GLIS1: variants seen among roughly 807,000 people sequenced by gnomAD.
GLIS1 encodes GLIS family zinc finger 1.
A neutral mutation model predicts 63.8 loss-of-function variants in GLIS1; 24 were observed. That is an observed-to-expected ratio of 0.38 (90% confidence interval 0.27 to 0.53). The LOEUF is 0.53. Ranked by LOEUF, GLIS1 falls within the 20% of genes least tolerant of loss-of-function variation. The pLI is 0.85. For synonymous variants in GLIS1, 450 were observed against 482.5 expected (o/e 0.93, Z 0.88); for missense variants, 1,036 against 1,074.1 (o/e 0.96, Z 0.50).
At chr1:53,607,693 G>A (rs1645384705) in intron 2 of GLIS1, among the ~76,000 whole-genome samples, 1 of 152,154 alleles carries the variant, frequency 6.6e-6, no homozygotes, top group Non-Finnish European at 1.5e-5. Flanking sequence ...AGCGATTTAG[G>A]GCAGCTGCAG....
intron 5 of GLIS1, 49 bp downstream of exon 5, chr1:53,529,742 T>C (rs768746294): frequency 6.5e-7 from 1 of 1,539,378 alleles, no homozygotes; most frequent in East Asian, 2.3e-5. Flanking sequence ...GAGTGGCAGG[T>C]GTGTGGCCAT....
At chr1:53,527,395 C>T (rs1261158796) in intron 5 of GLIS1, among the ~76,000 whole-genome samples, 1 of 152,238 alleles carries the variant, frequency 6.6e-6, no homozygotes, top group Non-Finnish European at 1.5e-5. Context: ...AGAGGACAGG[C>T]AGGGGAAGGC....
Position 53,600,257 on chromosome 1 carries a change from C to T in GLIS1, c.281G>A (p.Arg94His), listed in dbSNP as rs556516269. Residue 94 changes from arginine (R) to histidine (H), a missense_variant, in exon 3 of 11, where the codon CGT (arginine) becomes CAT (histidine). Physicochemically the swap from Arg to His is conservative, Grantham distance 29 (BLOSUM62 0). This residue lies in a region of GLIS1 where 592 missense variants were observed against 593.9 expected (regional missense o/e 1.00). Coordinates refer to ENST00000628545, the MANE Select transcript of GLIS1 (RefSeq NM_001367484.1). ...CAGGCTCTTCTCTGAGCCCGGGGTACGGTGTCCGTAGCTCCCATTCACTAG... is the reference window on the plus strand; with the variant it reads ...CAGGCTCTTCTCTGAGCCCGGGGTATGGTGTCCGTAGCTCCCATTCACTAG... ...AGKVNGSYGH[R>H]TPGSEKSLLD... The T allele has an allele frequency of 2.8e-5, 35 of 1,231,988 alleles. No homozygotes were observed. In the South Asian group the frequency reaches 2.9e-4, roughly 10 times the overall value. 76.3% of individuals were successfully genotyped at this position (1,231,988 alleles called of 1,614,324 possible).
At chr1:53,634,204 G>A (rs1356588651) in intron 2 of GLIS1, among the ~76,000 whole-genome samples, 1 of 152,160 alleles carries the variant, frequency 6.6e-6, no homozygotes. Context: ...ACACACAAAT[G>A]GAAATGCTGA....
chr1:53,650,490 TA>T (rs971468970), intron 2 of GLIS1, among the ~76,000 whole-genome samples: 2 of 148,932 alleles, frequency 1.3e-5, no homozygotes, highest in African/African-American at 5.0e-5. Flanking sequence ...CATGGGAAGC[TA>T]AGGCAGGAGA....
At chr1:53,507,770 G>A (rs1644250976) in intron 10 of GLIS1, among the ~76,000 whole-genome samples, 1 of 152,174 alleles carries the variant, frequency 6.6e-6, no homozygotes, top group African/African-American at 2.4e-5. Flanking sequence ...GTAGGGCCGG[G>A]GTGGGGTGTG....
chr1:53,664,936 C>T lies in GLIS1; in HGVS notation c.260-64658G>A, dbSNP rs1221093318. Among the ~76,000 whole-genome samples the T allele has an allele frequency of 2.0e-5, 3 of 152,012 alleles. No homozygotes were observed. In the South Asian group the frequency reaches 6.2e-4, roughly 32 times the overall value. On this transcript the variant is annotated intron_variant, in intron 2 of 10. Coordinates refer to ENST00000628545, the MANE Select transcript of GLIS1 (RefSeq NM_001367484.1). Reference sequence around the variant, plus strand: ...TGGTGTGTGAGGGTGAGCAAGGAGGCCTCTGTGGCAGGAGGAGGGGGAGGG... The same window carrying T: ...TGGTGTGTGAGGGTGAGCAAGGAGGTCTCTGTGGCAGGAGGAGGGGGAGGG...
At chr1:53,541,465 G>T (rs1240190020) in intron 4 of GLIS1, among the ~76,000 whole-genome samples, 1 of 152,274 alleles carries the variant, frequency 6.6e-6, no homozygotes, top group Non-Finnish European at 1.5e-5. Flanking sequence ...GGCCATATGT[G>T]CATGAGGCCT....
chr1:53,535,202 A>G (rs1020936667), intron 4 of GLIS1, among the ~76,000 whole-genome samples: 1 of 151,844 alleles, frequency 6.6e-6, no homozygotes, highest in Non-Finnish European at 1.5e-5. Context: ...AAATTTGGGG[A>G]TTTTTGATTC....
At chr1:53,578,872 C>T (rs1645057655) in intron 4 of GLIS1, among the ~76,000 whole-genome samples, 1 of 152,048 alleles carries the variant, frequency 6.6e-6, no homozygotes, top group African/African-American at 2.4e-5. Flanking sequence ...TCCACCTACC[C>T]CTTTTCACAG....
At chr1:53,629,151 A>G (rs1569947086) in intron 2 of GLIS1, among the ~76,000 whole-genome samples, 1 of 151,714 alleles carries the variant, frequency 6.6e-6, no homozygotes, top group South Asian at 2.1e-4. Flanking sequence ...CCAGCTATCT[A>G]CCCTTACCGT....
intron 2 of GLIS1, among the ~76,000 whole-genome samples, chr1:53,632,580 G>A (rs1645668920): frequency 6.7e-6 from 1 of 150,086 alleles, no homozygotes; most frequent in Non-Finnish European, 1.5e-5. Flanking sequence ...AGGGGCATGT[G>A]AATGAGTGTG....
At chr1:53,736,694 CT>C (rs1400705820) in intron 2 of GLIS1, among the ~76,000 whole-genome samples, 2 of 152,148 alleles carry the variant, frequency 1.3e-5, no homozygotes, top group Non-Finnish European at 2.9e-5. Flanking sequence ...GTAGTTCTCT[CT>C]TACAAAGTCA....
intron 2 of GLIS1, among the ~76,000 whole-genome samples, chr1:53,718,964 C>G (rs139165883): frequency 8.5e-5 from 13 of 152,316 alleles, no homozygotes; most frequent in African/African-American, 3.1e-4. Context: ...TGCTTAGTGC[C>G]CACTGTGTTA....
At chr1:53,652,075 G>C (rs796288094) in intron 2 of GLIS1, among the ~76,000 whole-genome samples, 1 of 152,264 alleles carries the variant, frequency 6.6e-6, no homozygotes, top group African/African-American at 2.4e-5. Flanking sequence ...AAGACTACAG[G>C]ATTCAGAGTC....
At chr1:53,684,471 G>A (rs1419071996) in intron 2 of GLIS1, among the ~76,000 whole-genome samples, 2 of 152,144 alleles carry the variant, frequency 1.3e-5, no homozygotes, top group Non-Finnish European at 2.9e-5. Context: ...GACCACTGCA[G>A]GTGAGCCTCA....
chr1:53,699,344 G>A (rs1046495883), intron 2 of GLIS1, among the ~76,000 whole-genome samples: 3 of 152,122 alleles, frequency 2.0e-5, no homozygotes, highest in African/African-American at 7.2e-5. Context: ...GATTACAGGC[G>A]TGAGCCACCA....
At chr1:53,606,786 T>G (rs906160207) in intron 2 of GLIS1, among the ~76,000 whole-genome samples, 11 of 152,220 alleles carry the variant, frequency 7.2e-5, no homozygotes, top group African/African-American at 2.7e-4. Context: ...GGCCTGACGC[T>G]CGCGGCCTCA....
rs540138177 is a variant in GLIS1, at chr1:53,553,306, C to T, written c.1321-23354G>A. 8.5e-5 allele frequency among the ~76,000 whole-genome samples: 13 copies of T among 152,268 alleles called. 1 individual carries two copies. In the South Asian group the frequency reaches 2.5e-3, roughly 29 times the overall value. On this transcript the variant is annotated intron_variant, in intron 4 of 10. Transcript: ENST00000628545. ...CCCAGGTGCACCCAGTCTTGGTTCG[C>T]ATACCTGCTGAGAGCTGCTCTCCCT...
Sources: gnomAD v4.1 joint callset for allele counts (sites outside exome capture counted in the v4.1 genomes callset) on GRCh38, gnomAD v4.1.1 for gene constraint, gnomAD v4.1.1 regional missense constraint, MANE v1.5 for transcripts, NCBI Gene and HGNC (gene_info 2026-07-23, HGNC 2026-07-21) for gene names.